BCL2L1: variants seen among roughly 807,000 people sequenced by gnomAD.
The protein encoded by BCL2L1 is bcl-2-like protein 1.
BCL2L1 carries 1 observed loss-of-function variant against 18.7 expected under a neutral mutation model. The ratio of observed to expected loss-of-function variants is 0.05; its 90% CI spans 0.02 to 0.25. The LOEUF is 0.25. Among genes scored for constraint, BCL2L1 ranks in the 10% least tolerant of loss-of-function variants. The pLI, the probability that BCL2L1 is intolerant of heterozygous loss-of-function variation, is 1.00. For missense variants in BCL2L1, 207 were observed against 304.9 expected (o/e 0.68, Z 2.39); for synonymous variants, 103 against 122.7 (o/e 0.84, Z 1.06).
chr20:31,668,511 T>C (rs182637199), intron 2 of BCL2L1, among the ~76,000 whole-genome samples: 11 of 151,990 alleles, frequency 7.2e-5, no homozygotes, highest in Middle Eastern at 3.4e-3. Flanking sequence ...TTTGCCATAT[T>C]GGCCAGGCTG....
intron 2 of BCL2L1, chr20:31,713,473 TG>T (rs772766090): frequency 3.0e-6 from 3 of 985,334 alleles, no homozygotes; most frequent in Non-Finnish European, 3.6e-6. Context: ...AAGCAGTCCA[TG>T]GAAGTCATCG....
At chr20:31,699,927 T>G (rs2061248327) in intron 2 of BCL2L1, among the ~76,000 whole-genome samples, 1 of 152,190 alleles carries the variant, frequency 6.6e-6, no homozygotes, top group African/African-American at 2.4e-5. Flanking sequence ...AAAGATCACC[T>G]CCATCTATAA....
At chr20:31,672,776 G>A (rs2060691555) in intron 2 of BCL2L1, among the ~76,000 whole-genome samples, 1 of 152,248 alleles carries the variant, frequency 6.6e-6, no homozygotes, top group Admixed American at 6.5e-5. Context: ...CCAAGTGCCA[G>A]AGGACCAGCC....
chr20:31,714,371 G>A (rs1389379179), intron 2 of BCL2L1, among the ~76,000 whole-genome samples: 1 of 152,168 alleles, frequency 6.6e-6, no homozygotes, highest in African/African-American at 2.4e-5. Context: ...ACACTGTGGA[G>A]CTCCTACTAC....
At chr20:31,684,521 C>T (rs2060923297) in intron 2 of BCL2L1, among the ~76,000 whole-genome samples, 1 of 152,122 alleles carries the variant, frequency 6.6e-6, no homozygotes. Flanking sequence ...AAGGATGGGA[C>T]CTCCCCAGTC....
At chr20:31,723,877 C>T (rs898573999), upstream of BCL2L1, 12 of 985,198 alleles carry the variant, frequency 1.2e-5, no homozygotes, top group African/African-American at 1.9e-4. Flanking sequence ...GCTGACTGCT[C>T]GCGCCGTCTC....
At chr20:31,722,562 A>G in intron 1 of BCL2L1, 56 bp downstream of exon 1, 1 of 181,482 alleles carries the variant, frequency 5.5e-6, no homozygotes, top group Non-Finnish European at 1.1e-5. Context: ...CTTCCTCGGA[A>G]AGTCACTCCC....
chr20:31,719,963 T>C (rs939185245), intron 2 of BCL2L1, among the ~76,000 whole-genome samples: 42 of 152,114 alleles, frequency 2.8e-4, no homozygotes, highest in African/African-American at 1.0e-3. Context: ...GCTGAACAAA[T>C]ATTTGCCCCA....
chr20:31,702,660 T>A (rs1263280008), intron 2 of BCL2L1, among the ~76,000 whole-genome samples: 1 of 151,500 alleles, frequency 6.6e-6, no homozygotes, highest in Non-Finnish European at 1.5e-5. Context: ...ATTACAGGCA[T>A]GTGCCACCAA....
intron 2 of BCL2L1, among the ~76,000 whole-genome samples, chr20:31,692,717 T>C (rs2061095676): frequency 6.6e-6 from 1 of 152,046 alleles, no homozygotes; most frequent in African/African-American, 2.4e-5. Context: ...AAGACCAGCC[T>C]GGCCAAGATG....
chr20:31,671,495 A>G (rs1179519250), intron 2 of BCL2L1, among the ~76,000 whole-genome samples: 1 of 152,094 alleles, frequency 6.6e-6, no homozygotes, highest in Non-Finnish European at 1.5e-5. Context: ...TACTAAGCCT[A>G]TAGGACTCCA....
intron 2 of BCL2L1, among the ~76,000 whole-genome samples, chr20:31,704,320 T>C (rs2061337412): frequency 6.7e-6 from 1 of 150,080 alleles, no homozygotes; most frequent in Non-Finnish European, 1.5e-5. Flanking sequence ...CAGGCTGGTC[T>C]TGAACTCCCG....
chr20:31,695,634 C>A (rs1362576608), intron 2 of BCL2L1, among the ~76,000 whole-genome samples: 1 of 152,212 alleles, frequency 6.6e-6, no homozygotes, highest in Non-Finnish European at 1.5e-5. Context: ...CTATGCCCAA[C>A]TAAACTCTGG....
intron 2 of BCL2L1, among the ~76,000 whole-genome samples, chr20:31,715,231 C>T (rs2061513016): frequency 6.7e-6 from 1 of 149,830 alleles, no homozygotes; most frequent in South Asian, 2.1e-4. Flanking sequence ...GAGATCGTGC[C>T]ACTGCACTCC....
In BCL2L1 at chr20:31,722,782, G is replaced by A. The variant is rs1568909223; in HGVS notation, c.-295C>T. ...GCCGGAGGGATCATGCGACCCGGCA[G>A]GCTGGGAGCCCAGAAGGCGACACAG... On this transcript the variant is annotated 5_prime_UTR_variant, in exon 1 of 3. Coordinates refer to ENST00000307677, the MANE Select transcript of BCL2L1 (RefSeq NM_138578.3). The A allele has an allele frequency of 6.6e-6, 1 of 152,260 alleles. No homozygotes were observed. Among genetic ancestry groups the A allele is most frequent in the Non-Finnish European group, 1.5e-5 (1 of 68,064 alleles). The allele number at this position is 152,260 out of a possible 1,614,324, so 9.4% of individuals were successfully genotyped here. A position where few individuals can be genotyped will look rare whatever the true frequency, so the allele number is the denominator to read the frequency against.
intron 2 of BCL2L1, among the ~76,000 whole-genome samples, chr20:31,674,579 T>C (rs762958959): frequency 6.6e-6 from 1 of 152,046 alleles, no homozygotes; most frequent in Non-Finnish European, 1.5e-5. Flanking sequence ...CTAAAGTGGA[T>C]AAGTGGCAGC....
intron 2 of BCL2L1, among the ~76,000 whole-genome samples, chr20:31,701,315 G>A (rs1374639332): frequency 1.3e-5 from 2 of 152,146 alleles, no homozygotes; most frequent in South Asian, 4.1e-4. Context: ...CCCTCCCAAA[G>A]TGCTGGGATT....
chr20:31,676,291 T>A (rs1040678334), intron 2 of BCL2L1, among the ~76,000 whole-genome samples: 5 of 152,058 alleles, frequency 3.3e-5, no homozygotes, highest in South Asian at 2.1e-4. Context: ...ATCCTCACAA[T>A]AATCCCACCG....
chr20:31,684,063 AT>A (rs2060913971), intron 2 of BCL2L1, among the ~76,000 whole-genome samples: 2 of 152,142 alleles, frequency 1.3e-5, no homozygotes, highest in Non-Finnish European at 2.9e-5. Context: ...CAGAGGAGAT[AT>A]TTGAGACCCA....
Sources: gnomAD v4.1 joint callset for allele counts (sites outside exome capture counted in the v4.1 genomes callset) on GRCh38, gnomAD v4.1.1 for gene constraint, MANE v1.5 for transcripts, NCBI Gene and HGNC (gene_info 2026-07-23, HGNC 2026-07-21) for gene names.